The following AGMO variants were observed in gnomAD, a reference collection of about 807,000 sequenced individuals.
The protein encoded by AGMO is glyceryl-ether monooxygenase.
AGMO carries 75 observed loss-of-function variants against 60.2 expected under a neutral mutation model. That is an observed-to-expected ratio of 1.25 (90% CI 1.03 to 1.51). The LOEUF is 1.51. Ranked by LOEUF, AGMO falls within the 40% of genes most tolerant of loss-of-function variation. The pLI is 0.00. For missense variants in AGMO, 763 were observed against 525.5 expected (o/e 1.45, Z -4.42); for synonymous variants, 261 against 177.1 (o/e 1.47, Z -3.76).
chr7:15,391,524 A>C (rs10240457), intron 6 of AGMO, among the ~76,000 whole-genome samples: 1 of 151,926 alleles, frequency 6.6e-6, no homozygotes, highest in Non-Finnish European at 1.5e-5. Context: ...AAGTAGACAT[A>C]ATGATATCCA....
intron 3 of AGMO, among the ~76,000 whole-genome samples, chr7:15,540,541 G>C (rs1356021540): frequency 1.3e-5 from 2 of 152,172 alleles, no homozygotes; most frequent in Non-Finnish European, 2.9e-5. Context: ...CTAGCATCAA[G>C]TGAGCTGGCA....
At chr7:15,141,761 T>C in the AGMO span, among the ~76,000 whole-genome samples, 1 of 152,188 alleles carries the variant, frequency 6.6e-6, no homozygotes, top group African/African-American at 2.4e-5. Flanking sequence ...GAATCTATTA[T>C]TTGGGCTAAC....
At chr7:15,412,947 G>C (rs1562494552) in intron 5 of AGMO, among the ~76,000 whole-genome samples, 1 of 152,010 alleles carries the variant, frequency 6.6e-6, no homozygotes, top group African/African-American at 2.4e-5. Context: ...ATGTAATATT[G>C]ACAATAAATT....
At chr7:15,468,270 T>A (rs2128511305) in intron 3 of AGMO, among the ~76,000 whole-genome samples, 1 of 152,278 alleles carries the variant, frequency 6.6e-6, no homozygotes, top group Non-Finnish European at 1.5e-5. Flanking sequence ...TTGTTTTTAC[T>A]TTTCTCCTGG....
At chr7:15,342,766 T>A (rs962500821) in intron 12 of AGMO, among the ~76,000 whole-genome samples, 3 of 102,792 alleles carry the variant, frequency 2.9e-5, no homozygotes, top group African/African-American at 1.2e-4. Context: ...TATGTGGGAG[T>A]ACAGTATAGC....
At chr7:15,352,375 A>G (rs1782274201) in intron 12 of AGMO, among the ~76,000 whole-genome samples, 1 of 151,874 alleles carries the variant, frequency 6.6e-6, no homozygotes, top group East Asian at 1.9e-4. Flanking sequence ...TGCCACTATC[A>G]CAGTCTCACA....
chr7:15,272,660 G>A (rs1350214683), intron 12 of AGMO, among the ~76,000 whole-genome samples: 2 of 152,102 alleles, frequency 1.3e-5, no homozygotes, highest in Non-Finnish European at 2.9e-5. Flanking sequence ...TGGGATGGCT[G>A]GGTCAAATGG....
chr7:15,458,807 G>A (rs1782060825), intron 3 of AGMO, among the ~76,000 whole-genome samples: 1 of 152,166 alleles, frequency 6.6e-6, no homozygotes, highest in Non-Finnish European at 1.5e-5. Context: ...GCAGGGCCAA[G>A]TCAGGAACCC....
chr7:15,363,089 A>C (rs968198744), intron 12 of AGMO, among the ~76,000 whole-genome samples: 2 of 152,212 alleles, frequency 1.3e-5, no homozygotes, highest in Non-Finnish European at 2.9e-5. Context: ...TAAGGCATTT[A>C]GAACGTAGTA....
At chr7:15,354,493 C>CGCGT (rs1563105929) in intron 12 of AGMO, among the ~76,000 whole-genome samples, 4 of 11,908 alleles carry the variant, frequency 3.4e-4, no homozygotes, top group Non-Finnish European at 4.8e-4. Flanking sequence ...TATATACACA[C>CGCGT]GTGTATATAT....
the AGMO span, among the ~76,000 whole-genome samples, chr7:15,176,187 C>T: frequency 5.3e-5 from 8 of 152,072 alleles, no homozygotes; most frequent in South Asian, 1.7e-3. Flanking sequence ...CACATACAGT[C>T]ATTATTTACA....
chr7:15,205,938 G>C (rs751153541), intron 12 of AGMO, among the ~76,000 whole-genome samples: 1 of 152,056 alleles, frequency 6.6e-6, no homozygotes, highest in South Asian at 2.1e-4. Flanking sequence ...AATCGCAACA[G>C]TAAGAATTGA....
intron 2 of AGMO, among the ~76,000 whole-genome samples, chr7:15,546,323 A>C (rs76348959): frequency 2.0e-5 from 3 of 152,198 alleles, no homozygotes; most frequent in Non-Finnish European, 4.4e-5. Context: ...TAAAAAACTC[A>C]ATCTCCAATT....
chr7:15,393,892 G>C (rs1784253211), intron 6 of AGMO, among the ~76,000 whole-genome samples: 1 of 152,010 alleles, frequency 6.6e-6, no homozygotes, highest in African/African-American at 2.4e-5. Flanking sequence ...AAATCCAAAA[G>C]TCAGATAGAT....
At chr7:15,336,539 T>C (rs1353140677) in intron 12 of AGMO, among the ~76,000 whole-genome samples, 2 of 152,170 alleles carry the variant, frequency 1.3e-5, no homozygotes, top group African/African-American at 2.4e-5. Flanking sequence ...ATAGAAGATA[T>C]TTTACACAAT....
At chr7:15,180,758 G>C in the AGMO span, among the ~76,000 whole-genome samples, 12 of 152,142 alleles carry the variant, frequency 7.9e-5, 1 homozygote, top group Admixed American at 7.9e-4. Flanking sequence ...CTACTTCTCA[G>C]TATTTATTTT....
At chr7:15,488,507 G>A (rs1195534031) in intron 3 of AGMO, among the ~76,000 whole-genome samples, 1 of 152,216 alleles carries the variant, frequency 6.6e-6, no homozygotes, top group African/African-American at 2.4e-5. Context: ...TCTTGGCATT[G>A]TCTAGTTAAT....
intron 12 of AGMO, among the ~76,000 whole-genome samples, chr7:15,297,373 T>C (rs1784434868): frequency 2.6e-5 from 4 of 152,204 alleles, no homozygotes; most frequent in Admixed American, 2.6e-4. Context: ...ATTGGCATTA[T>C]GGAATAAAGT....
At chr7:15,126,747 G>C in the AGMO span, among the ~76,000 whole-genome samples, 1 of 152,092 alleles carries the variant, frequency 6.6e-6, no homozygotes, top group African/African-American at 2.4e-5. Context: ...ACCCTGCAAA[G>C]CTGTCCCTTG....
Sources: gnomAD v4.1 joint callset for allele counts (sites outside exome capture counted in the v4.1 genomes callset) on GRCh38, gnomAD v4.1.1 for gene constraint, MANE v1.5 for transcripts, NCBI Gene and HGNC (gene_info 2026-07-23, HGNC 2026-07-21) for gene names.